Variants in BRINP3 observed in about 807,000 individuals in gnomAD.
BRINP3 encodes BMP/retinoic acid-inducible neural-specific protein 3.
Under a neutral mutation model 71.0 loss-of-function variants are expected in BRINP3, and 19 were observed. The ratio of observed to expected loss-of-function variants is 0.27; its 90% CI spans 0.19 to 0.39. The LOEUF is 0.39. BRINP3 is among the 10% of genes least tolerant of loss of function. BRINP3 has a pLI of 1.00. For missense variants in BRINP3, 959 were observed against 940.8 expected, an observed-to-expected ratio of 1.02 and a Z score of -0.25; for synonymous variants, 380 against 337.7, an observed-to-expected ratio of 1.13 and a Z score of -1.37.
rs1651480713 is a variant in BRINP3 at position 190,099,293 on chromosome 1, A to G, written c.1185-159T>C. 3.4e-5 allele frequency among the ~76,000 whole-genome samples: 3 copies of G among 88,822 alleles called. No individual in the cohort carries two copies. The South Asian group carries it at 1.3e-3, about 39-fold the overall frequency. The allele number at this position is 88,822 out of a possible 152,430, so 58.3% of individuals were successfully genotyped here. A position where few individuals can be genotyped will look rare whatever the true frequency, so the allele number is the denominator to read the frequency against. ...TTCATAGAGCTCATAATTAGACTAT[A>G]TAATACACACACACACACACACACA... On this transcript the variant is annotated intron_variant, in intron 7 of 7. Transcript: ENST00000367462.
At chr1:190,254,981 G>A (rs562025526) in intron 4 of BRINP3, among the ~76,000 whole-genome samples, 32 of 152,030 alleles carry the variant, frequency 2.1e-4, no homozygotes, top group Middle Eastern at 3.4e-3. Flanking sequence ...TTAGCATGAA[G>A]CGTTGTTGAA....
At chr1:190,224,905 A>G (rs1284916715) in intron 6 of BRINP3, among the ~76,000 whole-genome samples, 1 of 152,088 alleles carries the variant, frequency 6.6e-6, no homozygotes, top group African/African-American at 2.4e-5. Context: ...ATAATGCTCA[A>G]CATCACTAAT....
chr1:190,161,920 C>T (rs1364669067), intron 6 of BRINP3, among the ~76,000 whole-genome samples: 9 of 151,986 alleles, frequency 5.9e-5, no homozygotes, highest in African/African-American at 1.2e-4. Context: ...TTCCCTTTAA[C>T]GAAATATCAA....
chr1:190,168,206 T>C (rs977238401), intron 6 of BRINP3, among the ~76,000 whole-genome samples: 36 of 95,340 alleles, frequency 3.8e-4, no homozygotes, highest in African/African-American at 2.3e-3. Context: ...TCCTATTTAA[T>C]TTGTATATAT....
intron 6 of BRINP3, among the ~76,000 whole-genome samples, chr1:190,216,685 A>T (rs1656447674): frequency 6.6e-6 from 1 of 151,960 alleles, no homozygotes; most frequent in African/African-American, 2.4e-5. Context: ...ACTGAATTTT[A>T]TATTCAGTGA....
chr1:190,287,993 T>A (rs1271502525), intron 2 of BRINP3, among the ~76,000 whole-genome samples: 1 of 152,092 alleles, frequency 6.6e-6, no homozygotes, highest in African/African-American at 2.4e-5. Flanking sequence ...AGAAATTGAT[T>A]AAGCTTGTTT....
At chr1:190,433,129 G>A (rs749755942) in intron 2 of BRINP3, among the ~76,000 whole-genome samples, 13 of 152,040 alleles carry the variant, frequency 8.6e-5, no homozygotes, top group Non-Finnish European at 1.5e-4. Context: ...TTTTAGTTTT[G>A]TTTTATGGAC....
chr1:190,413,170 T>G (rs1359577693), intron 2 of BRINP3, among the ~76,000 whole-genome samples: 1 of 152,180 alleles, frequency 6.6e-6, no homozygotes, highest in Non-Finnish European at 1.5e-5. Flanking sequence ...TGCATGTGTG[T>G]GTCTGTGTGT....
At chr1:190,212,018 T>C (rs1463401942) in intron 6 of BRINP3, among the ~76,000 whole-genome samples, 1 of 152,110 alleles carries the variant, frequency 6.6e-6, no homozygotes, top group Non-Finnish European at 1.5e-5. Context: ...TACAGTATAG[T>C]GCAATGAGCA....
chr1:190,356,514 A>G (rs551083706), intron 2 of BRINP3, among the ~76,000 whole-genome samples: 8 of 151,956 alleles, frequency 5.3e-5, no homozygotes, highest in Admixed American at 4.6e-4. Context: ...GTGGCTTAAA[A>G]TAAGACATTT....
chr1:190,109,330 T>C (rs557616086), intron 7 of BRINP3, among the ~76,000 whole-genome samples: 1 of 152,312 alleles, frequency 6.6e-6, no homozygotes, highest in African/African-American at 2.4e-5. Context: ...CATACATAAT[T>C]ATCAAGCCAA....
At chr1:190,452,795 T>G (rs1675706857) in intron 2 of BRINP3, among the ~76,000 whole-genome samples, 1 of 152,124 alleles carries the variant, frequency 6.6e-6, no homozygotes, top group African/African-American at 2.4e-5. Flanking sequence ...AGGCGGAGGT[T>G]GCAGTGTGTC....
At chr1:190,248,099 C>T (rs1361095045) in intron 4 of BRINP3, among the ~76,000 whole-genome samples, 3 of 151,858 alleles carry the variant, frequency 2.0e-5, no homozygotes, top group Non-Finnish European at 4.4e-5. Flanking sequence ...TTCCTATCAA[C>T]TTATGAATAC....
intron 2 of BRINP3, among the ~76,000 whole-genome samples, chr1:190,340,135 A>G (rs1667559288): frequency 6.6e-6 from 1 of 151,984 alleles, no homozygotes; most frequent in African/African-American, 2.4e-5. Flanking sequence ...AAAGATAAAT[A>G]AAATCCTTAG....
chr1:190,235,623 A>T lies in BRINP3; in HGVS notation c.619-1146T>A, dbSNP rs1314496838. On this transcript the variant is annotated intron_variant, in intron 4 of 7. Coordinates refer to ENST00000367462, the MANE Select transcript of BRINP3 (RefSeq NM_199051.3). ...TATTTATTCTGTCTTGCTGTATCTC[A>T]AACATACTTGACATTCTGATGCCTT... 3.9e-5 allele frequency among the ~76,000 whole-genome samples: 6 copies of T among 152,024 alleles called. No homozygotes were observed. In the East Asian group the frequency reaches 9.7e-4, roughly 25 times the overall value.
At chr1:190,464,981 A>C (rs963891444) in intron 1 of BRINP3, among the ~76,000 whole-genome samples, 2 of 152,000 alleles carry the variant, frequency 1.3e-5, no homozygotes, top group Non-Finnish European at 2.9e-5. Flanking sequence ...CTGTCAATAC[A>C]GTCTTGTCCT....
At chr1:190,128,383 T>C (rs912043157) in intron 7 of BRINP3, among the ~76,000 whole-genome samples, 6 of 151,800 alleles carry the variant, frequency 4.0e-5, no homozygotes, top group African/African-American at 1.4e-4. Context: ...TTACAATGTG[T>C]TATTTAACTG....
intron 2 of BRINP3, among the ~76,000 whole-genome samples, chr1:190,312,436 C>T (rs1425368332): frequency 6.6e-6 from 1 of 151,490 alleles, no homozygotes; most frequent in Non-Finnish European, 1.5e-5. Context: ...TCCCAGTGAT[C>T]TCCTAAAATA....
intron 2 of BRINP3, among the ~76,000 whole-genome samples, chr1:190,282,368 A>G (rs990231279): frequency 1.3e-5 from 2 of 151,974 alleles, no homozygotes. Flanking sequence ...AAAATGAAAG[A>G]TATGTCTATA....
Sources: gnomAD v4.1 joint callset for allele counts (sites outside exome capture counted in the v4.1 genomes callset) on GRCh38, gnomAD v4.1.1 for gene constraint, MANE v1.5 for transcripts, NCBI Gene and HGNC (gene_info 2026-07-23, HGNC 2026-07-21) for gene names.